The following NBEAL1 variants were observed in gnomAD, a reference collection of about 807,000 sequenced individuals.
NBEAL1 encodes neurobeachin-like protein 1.
A neutral mutation model predicts 351.3 loss-of-function variants in NBEAL1; 273 were observed. That is an observed-to-expected ratio of 0.78 (90% CI 0.70 to 0.86). The LOEUF (loss-of-function observed/expected upper bound fraction) is 0.86. Among genes scored for constraint, NBEAL1 ranks in the 40% least tolerant of loss-of-function variants. The probability of loss-of-function intolerance (pLI) is 0.00; values close to 1 mark genes in which losing one functional copy is unlikely to be tolerated. For missense variants in NBEAL1, 2,961 were observed against 3,201.3 expected, an observed-to-expected ratio of 0.92 and a Z score of 1.81; for synonymous variants, 1,050 against 1,086.4, an observed-to-expected ratio of 0.97 and a Z score of 0.66.
chr2:203,066,204 T>C (rs2061583051), intron 6 of NBEAL1, among the ~76,000 whole-genome samples: 1 of 152,228 alleles, frequency 6.6e-6, no homozygotes, highest in Non-Finnish European at 1.5e-5. Flanking sequence ...TTATTGTTTG[T>C]AGCATAGGTT....
intron 6 of NBEAL1, among the ~76,000 whole-genome samples, chr2:203,066,288 GA>G (rs1307895163): frequency 6.6e-6 from 1 of 150,850 alleles, no homozygotes. Flanking sequence ...TAATCTCGTG[GA>G]AAAACCTAAC....
At chr2:203,017,221 T>A (rs751264154) in intron 2 of NBEAL1, among the ~76,000 whole-genome samples, 11 of 152,202 alleles carry the variant, frequency 7.2e-5, no homozygotes, top group Non-Finnish European at 1.5e-4. Context: ...CTGGCAAGGG[T>A]CAGAGAAACA....
At position 203,209,164 on chromosome 2, in the gene NBEAL1, G is replaced by A; in HGVS notation, c.7627G>A (p.Gly2543Arg). ...TTCTGATATATCCTGTGTGTAGGAT[G>A]GAACGGTGATTATACATACCATTCA... ...LDMAVSGSRD[G>R]TVIIHTIQKG... The change falls in exon 53 of 56, where the codon GGA becomes AGA. Residue 2543 changes from glycine to arginine, a missense_variant. Transcript: ENST00000683969. 1 of 1,610,316 alleles carries A rather than the reference G, an allele frequency of 6.2e-7. No homozygotes were observed. The highest frequency in any genetic ancestry group is 8.5e-7 in the Non-Finnish European group (1 of 1,177,028).
intron 2 of NBEAL1, among the ~76,000 whole-genome samples, chr2:203,038,062 T>C (rs2061068067): frequency 6.7e-6 from 1 of 149,524 alleles, no homozygotes; most frequent in Non-Finnish European, 1.5e-5. Flanking sequence ...TTTTTTGTCA[T>C]TGTAAGTATC....
intron 42 of NBEAL1, 96 bp downstream of exon 42, chr2:203,175,383 T>TTA (rs1261803163): frequency 2.0e-5 from 24 of 1,228,406 alleles, no homozygotes; most frequent in Non-Finnish European, 2.7e-5. Context: ...GTCTTTTTTA[T>TTA]TCTCCTGTAT....
intron 31 of NBEAL1, among the ~76,000 whole-genome samples, chr2:203,143,121 T>C (rs2063422475): frequency 6.6e-6 from 1 of 152,170 alleles, no homozygotes; most frequent in Non-Finnish European, 1.5e-5. Context: ...TAGATCCAAG[T>C]GAGGATATAG....
chr2:203,113,864 C>T (rs766725335), intron 17 of NBEAL1, among the ~76,000 whole-genome samples: 17 of 146,758 alleles, frequency 1.2e-4, no homozygotes, highest in Non-Finnish European at 2.4e-4. Flanking sequence ...CTGTGTGGCC[C>T]AGGCTGGAGT....
chr2:203,134,039 T>C (rs923773994), intron 27 of NBEAL1, among the ~76,000 whole-genome samples: 1 of 152,102 alleles, frequency 6.6e-6, no homozygotes, highest in African/African-American at 2.4e-5. Context: ...TAGGACATAC[T>C]CCATGAAATA....
chr2:203,176,188 T>G (rs886398187), intron 42 of NBEAL1, among the ~76,000 whole-genome samples: 2 of 150,802 alleles, frequency 1.3e-5, no homozygotes, highest in South Asian at 4.2e-4. Context: ...TTTTTTTTTT[T>G]TTTGAGACAG....
At chr2:203,211,847 T>C (rs1156249941) in intron 54 of NBEAL1, among the ~76,000 whole-genome samples, 1 of 152,172 alleles carries the variant, frequency 6.6e-6, no homozygotes, top group Non-Finnish European at 1.5e-5. Flanking sequence ...TCATTTAATC[T>C]AGTGAAGGAG....
intron 2 of NBEAL1, among the ~76,000 whole-genome samples, chr2:203,025,754 T>C (rs1293819507): frequency 6.6e-6 from 1 of 152,212 alleles, no homozygotes; most frequent in Non-Finnish European, 1.5e-5. Flanking sequence ...ATCTGTCCTC[T>C]GCAAATCCAG....
Position 203,157,768 on chromosome 2 carries a change from A to G in NBEAL1, c.5657A>G (p.Asp1886Gly). The G allele has an allele frequency of 2.5e-6, 4 of 1,596,022 alleles. No homozygotes were observed. The highest frequency in any genetic ancestry group is 3.4e-6 in the Non-Finnish European group (4 of 1,171,470). ...GTAGTGAAACAAGTAAAAGTTAGTG[A>G]TATGGTGGAGGATAAATTAGACCTT... is the stretch of plus-strand genomic sequence containing the variant. Reference protein sequence around the residue: ...LEVVKQVKVSDMVEDKLDLPE... With the variant: ...LEVVKQVKVSGMVEDKLDLPE... Residue 1886 changes from aspartate to glycine, a missense_variant, in exon 36 of 56, where the codon GAT (aspartate) becomes GGT (glycine). Coordinates refer to ENST00000683969, the MANE Select transcript of NBEAL1 (RefSeq NM_001378026.1).
chr2:203,213,812 TA>T, intron 55 of NBEAL1, 159 bp downstream of exon 55: 1 of 983,106 alleles, frequency 1.0e-6, no homozygotes, highest in Non-Finnish European at 1.2e-6. Flanking sequence ...ATAAAGCTGT[TA>T]TTCAAGAATC....
chr2:203,048,946 C>T (rs1450169176), intron 3 of NBEAL1, among the ~76,000 whole-genome samples: 1 of 149,802 alleles, frequency 6.7e-6, no homozygotes, highest in African/African-American at 2.5e-5. Flanking sequence ...TCTTTTCTCC[C>T]TCTTCTGATC....
intron 35 of NBEAL1, among the ~76,000 whole-genome samples, chr2:203,153,040 A>T (rs200614124): frequency 1.4e-5 from 2 of 145,432 alleles, no homozygotes; most frequent in East Asian, 5.1e-4. Flanking sequence ...CTCCTCCTCA[A>T]CAACAACAAC....
chr2:203,192,385 A>ATTTTTTT (rs753136759), intron 46 of NBEAL1, among the ~76,000 whole-genome samples: 1 of 144,722 alleles, frequency 6.9e-6, no homozygotes. Flanking sequence ...TTAAAAGATA[A>ATTTTTTT]TTTTTTTTTT....
chr2:203,054,008 T>C (rs1480957072), intron 4 of NBEAL1, among the ~76,000 whole-genome samples: 1 of 151,868 alleles, frequency 6.6e-6, no homozygotes, highest in Non-Finnish European at 1.5e-5. Context: ...TGGAGTGTAC[T>C]GACATGATCA....
At chr2:203,190,159 TACACACACACACACACACACAC>T (rs71034227) in intron 45 of NBEAL1, 111 bp from the exon 46 acceptor site, 30,969 of 439,420 alleles carry the variant, frequency 0.07, 533 homozygotes, top group Non-Finnish European at 0.085. Flanking sequence ...AAGATGTGTG[TACACACACACACACACACACAC>T]ACACACACAC....
intron 10 of NBEAL1, among the ~76,000 whole-genome samples, chr2:203,096,646 T>C (rs542345326): frequency 1.2e-4 from 19 of 152,348 alleles, no homozygotes; most frequent in African/African-American, 4.6e-4. Context: ...AGAATACAAA[T>C]GAATATAAAT....
Sources: gnomAD v4.1 joint callset for allele counts (sites outside exome capture counted in the v4.1 genomes callset) on GRCh38, gnomAD v4.1.1 for gene constraint, MANE v1.5 for transcripts, NCBI Gene and HGNC (gene_info 2026-07-23, HGNC 2026-07-21) for gene names.